The following CCDC146 variants were observed in gnomAD, a reference collection of about 807,000 sequenced individuals.
The protein encoded by CCDC146 is coiled-coil domain containing 146, also known as coiled-coil domain-containing protein 146.
Under a neutral mutation model 119.3 loss-of-function variants are expected in CCDC146, and 92 were observed. The ratio of observed to expected loss-of-function variants is 0.77; its 90% CI spans 0.65 to 0.92. The LOEUF (loss-of-function observed/expected upper bound fraction) is 0.92. CCDC146 is among the 40% of genes least tolerant of loss of function. CCDC146 has a pLI of 0.00. For synonymous variants in CCDC146, 372 were observed against 371.8 expected (o/e 1.00, Z -0.01); for missense variants, 1,000 against 1,103.0 (o/e 0.91, Z 1.32).
chr7:77,210,035 CCTGA>C (rs1482232994), intron 2 of CCDC146, among the ~76,000 whole-genome samples: 4 of 152,192 alleles, frequency 2.6e-5, no homozygotes, highest in Non-Finnish European at 5.9e-5. Context: ...TCTTCATTGT[CCTGA>C]CTGTTAACAT....
chr7:77,216,526 T>C (rs1405625564), intron 2 of CCDC146, among the ~76,000 whole-genome samples: 1 of 152,154 alleles, frequency 6.6e-6, no homozygotes, highest in Non-Finnish European at 1.5e-5. Context: ...GAAAAAAAGA[T>C]GGAAATGGAC....
intron 2 of CCDC146, among the ~76,000 whole-genome samples, chr7:77,200,714 C>T (rs1791972368): frequency 6.6e-6 from 1 of 152,162 alleles, no homozygotes; most frequent in Non-Finnish European, 1.5e-5. Flanking sequence ...CTCTCTGGGC[C>T]ACTTGGTATA....
Position 77,259,043 on chromosome 7 carries a change from A to G in CCDC146, c.733A>G (p.Ile245Val). 6.2e-7 allele frequency: 1 copy of G among 1,610,786 alleles called. No individual in the cohort carries two copies. The change falls in exon 7 of 19, where the codon ATA (isoleucine) becomes GTA (valine). Residue 245 changes from isoleucine (I) to valine (V), a missense_variant. Around this residue, in one of 2 missense-constraint regions of CCDC146, gnomAD observed 985 missense variants for 1,045.3 expected, o/e 0.94. Coordinates refer to ENST00000285871, the MANE Select transcript of CCDC146 (RefSeq NM_020879.3). Reference protein sequence around the residue: ...QTIPVQIGKEIEKITRKKVEM... With the variant: ...QTIPVQIGKEVEKITRKKVEM... ...CATTCCAGTACAAATTGGAAAAGAG[A>G]TAGAAAAAATAACACGCAAAAAAGT...
In CCDC146 at chr7:77,256,465, C is replaced by G. The variant is rs752401622; in HGVS notation, c.640C>G (p.Gln214Glu). 20 of 1,606,470 alleles carry G rather than the reference C, an allele frequency of 1.2e-5. No individual in the cohort carries two copies. The East Asian group carries it at 3.8e-4, about 30-fold the overall frequency. Residue 214 changes from glutamine to glutamate, a missense_variant, in exon 6 of 19, where the codon CAG (glutamine) becomes GAG (glutamate). By Grantham distance (29) the Gln-to-Glu change is conservative (BLOSUM62 2). This residue lies in a region of CCDC146 where 985 missense variants were observed against 1,045.3 expected (regional missense o/e 0.94). Coordinates refer to ENST00000285871, the MANE Select transcript of CCDC146 (RefSeq NM_020879.3). ...ASKQKQLLKEQKELEELLGHQ... is the reference protein window; with the variant it reads ...ASKQKQLLKEEKELEELLGHQ... The stretch of plus-strand genomic sequence containing the variant: ...TAAACAAAAGCAATTATTAAAAGAG[C>G]AGAAGGAACTAGAAGAATTGTTGGG...
At chr7:77,277,535 A>G (rs1372601473) in intron 11 of CCDC146, among the ~76,000 whole-genome samples, 3 of 152,234 alleles carry the variant, frequency 2.0e-5, no homozygotes, top group Admixed American at 2.0e-4. Context: ...TGCAGTTTCC[A>G]TAAGAAGGCA....
chr7:77,176,968 T>G (rs1234990041), intron 2 of CCDC146, among the ~76,000 whole-genome samples: 1 of 151,888 alleles, frequency 6.6e-6, no homozygotes, highest in Non-Finnish European at 1.5e-5. Flanking sequence ...CTGGAGTAGC[T>G]GGGACCACCG....
intron 2 of CCDC146, among the ~76,000 whole-genome samples, chr7:77,169,782 T>C (rs1791393042): frequency 6.6e-6 from 1 of 151,828 alleles, no homozygotes; most frequent in South Asian, 2.1e-4. Flanking sequence ...TCATCTTGTA[T>C]TTTTTTTGCT....
chr7:77,264,165 C>T (rs1793356360), intron 9 of CCDC146, among the ~76,000 whole-genome samples: 1 of 151,964 alleles, frequency 6.6e-6, no homozygotes, highest in Non-Finnish European at 1.5e-5. Flanking sequence ...GTACTTTTTG[C>T]CTTAAAATAT....
chr7:77,197,291 C>T (rs965174226), intron 2 of CCDC146, among the ~76,000 whole-genome samples: 4 of 152,220 alleles, frequency 2.6e-5, no homozygotes, highest in African/African-American at 9.6e-5. Flanking sequence ...GTGAGGCCTA[C>T]CTATACGTTC....
intron 17 of CCDC146, among the ~76,000 whole-genome samples, chr7:77,289,115 G>T (rs28520653): frequency 0.51 from 78,015 of 152,052 alleles, 21,950 homozygotes; most frequent in African/African-American, 0.74. Flanking sequence ...GGACTGATGC[G>T]AAGGCTCAGT....
At chr7:77,179,078 G>C (rs1480071380) in intron 2 of CCDC146, among the ~76,000 whole-genome samples, 1 of 152,034 alleles carries the variant, frequency 6.6e-6, no homozygotes, top group Non-Finnish European at 1.5e-5. Flanking sequence ...GAGTTAGCAG[G>C]AGTCAACCCA....
chr7:77,256,434 G>A lies in CCDC146; in HGVS notation c.609G>A (p.Leu203=). 1.2e-6 allele frequency: 2 copies of A among 1,607,604 alleles called. No homozygotes were observed. The highest frequency in any genetic ancestry group is 1.1e-5 in the South Asian group (1 of 89,146). The part of the protein sequence containing the change: ...KLEIKNLRED[L]ASKQKQLLKE... ...AAATTAAAAATTTACGAGAAGATTTGGCATCTAAACAAAAGCAATTATTAA... is the reference window on the plus strand; with the variant it reads ...AAATTAAAAATTTACGAGAAGATTTAGCATCTAAACAAAAGCAATTATTAA... The change falls in exon 6 of 19, where the codon TTG becomes TTA. Residue 203 remains leucine (L), a synonymous_variant. Transcript: ENST00000285871.
intron 9 of CCDC146, among the ~76,000 whole-genome samples, chr7:77,263,541 G>A (rs868425997): frequency 6.6e-6 from 1 of 152,200 alleles, no homozygotes; most frequent in East Asian, 1.9e-4. Context: ...TAAGCAACAT[G>A]TGTGAAAAAA....
intron 6 of CCDC146, among the ~76,000 whole-genome samples, chr7:77,256,827 A>C (rs1793189013): frequency 1.3e-5 from 2 of 152,206 alleles, no homozygotes; most frequent in South Asian, 4.1e-4. Flanking sequence ...AACCATGGCC[A>C]GGCACAGTGG....
chr7:77,253,779 C>G (rs1012085124), intron 4 of CCDC146, among the ~76,000 whole-genome samples: 3 of 152,178 alleles, frequency 2.0e-5, no homozygotes, highest in African/African-American at 7.2e-5. Context: ...TGGCCAGGCA[C>G]CTCTATGAGA....
chr7:77,153,767 A>G (rs1015663293), intron 1 of CCDC146, among the ~76,000 whole-genome samples: 3 of 150,774 alleles, frequency 2.0e-5, no homozygotes, highest in African/African-American at 7.4e-5. Context: ...AAAATTTAAC[A>G]TACACTTGAC....
rs554342838 is a variant in CCDC146 at position 77,148,629 on chromosome 7, C to T, written c.-11-19029C>T. 2.3e-3 allele frequency among the ~76,000 whole-genome samples: 353 copies of T among 152,070 alleles called. 1 individual carries two copies. Among genetic ancestry groups the T allele is most frequent in the African/African-American group, 8.1e-3 (337 of 41,492 alleles). On this transcript the variant is annotated intron_variant, in intron 1 of 18. Coordinates refer to ENST00000285871, the MANE Select transcript of CCDC146 (RefSeq NM_020879.3). ...TTAAGCTGATGAGCAACTTTGTCAA[C>T]GCCTCAGGATACAAAATCAATGTGC... is the stretch of plus-strand genomic sequence containing the variant.
At chr7:77,262,022 G>A in intron 8 of CCDC146, 99 bp from the exon 9 acceptor site, 1 of 956,404 alleles carries the variant, frequency 1.0e-6, no homozygotes, top group Non-Finnish European at 1.5e-6. Flanking sequence ...AGAAGAGATT[G>A]GGAGCCAATA....
chr7:77,176,946 C>A (rs567130488), intron 2 of CCDC146, among the ~76,000 whole-genome samples: 1 of 152,120 alleles, frequency 6.6e-6, no homozygotes, highest in African/African-American at 2.4e-5. Flanking sequence ...AGCAATCCTC[C>A]CACCTCAGCC....
Sources: allele counts gnomAD v4.1 joint callset (sites outside exome capture counted in the v4.1 genomes callset), GRCh38; gene constraint gnomAD v4.1.1; regional missense constraint gnomAD v4.1.1; transcripts MANE v1.5; gene names NCBI Gene and HGNC (gene_info 2026-07-23, HGNC 2026-07-21).